Variants in ARHGAP29 observed in about 807,000 individuals in gnomAD.
ARHGAP29 encodes Rho GTPase activating protein 29.
In ARHGAP29, 43 loss-of-function variants were observed where a neutral mutation model predicts 122.6. The ratio of observed to expected loss-of-function variants is 0.35; its 90% CI spans 0.27 to 0.45. The LOEUF (loss-of-function observed/expected upper bound fraction) is 0.45. Among genes scored for constraint, ARHGAP29 ranks in the 20% least tolerant of loss-of-function variants. The probability of loss-of-function intolerance (pLI) is 1.00; values close to 1 mark genes in which losing one functional copy is unlikely to be tolerated. For missense variants in ARHGAP29, 1,303 were observed against 1,477.2 expected, an observed-to-expected ratio of 0.88 and a Z score of 1.93; for synonymous variants, 506 against 497.1, an observed-to-expected ratio of 1.02 and a Z score of -0.24.
chr1:94,237,359 C>T, intron 1 of ARHGAP29, 56 bp downstream of exon 1: 2 of 978,928 alleles, frequency 2.0e-6, no homozygotes. Flanking sequence ...GCGGGCAACC[C>T]CAGCCCGGAG....
the ARHGAP29 span, among the ~76,000 whole-genome samples, chr1:94,290,603 A>G: frequency 2.6e-5 from 4 of 152,212 alleles, no homozygotes; most frequent in African/African-American, 7.2e-5. Context: ...AATGTGTCCC[A>G]GAGATTCTGG....
At chr1:94,282,179 T>C in the ARHGAP29 span, among the ~76,000 whole-genome samples, 1 of 149,174 alleles carries the variant, frequency 6.7e-6, no homozygotes, top group African/African-American at 2.6e-5. Flanking sequence ...CACAACCTTG[T>C]CTTTTTTAAA....
intron 1 of ARHGAP29, among the ~76,000 whole-genome samples, chr1:94,249,746 C>G (rs1305151019): frequency 6.7e-6 from 1 of 148,864 alleles, no homozygotes; most frequent in Non-Finnish European, 1.5e-5. Flanking sequence ...AGTGAAACTC[C>G]ATCTCAAAAA....
At chr1:94,176,528 T>C (rs1649102554) in intron 22 of ARHGAP29, 1 of 152,214 alleles carries the variant, frequency 6.6e-6, no homozygotes, top group African/African-American at 2.4e-5. Context: ...CACAGAACTA[T>C]TATGAAGATC....
chr1:94,218,002 A>G (rs1025664589), intron 3 of ARHGAP29, among the ~76,000 whole-genome samples: 3 of 152,220 alleles, frequency 2.0e-5, no homozygotes, highest in Non-Finnish European at 4.4e-5. Context: ...GCTGGCACTG[A>G]ACAGATACTC....
At chr1:94,268,386 C>T (rs1654856681) in intron 1 of ARHGAP29, among the ~76,000 whole-genome samples, 1 of 152,102 alleles carries the variant, frequency 6.6e-6, no homozygotes, top group African/African-American at 2.4e-5. Context: ...TTCACCCTCC[C>T]CTACTCCTGC....
chr1:94,274,079 G>T (rs998884679), intron 1 of ARHGAP29, among the ~76,000 whole-genome samples: 1 of 152,148 alleles, frequency 6.6e-6, no homozygotes, highest in African/African-American at 2.4e-5. Flanking sequence ...AGAAAACCAA[G>T]ATTTAGAGAC....
chr1:94,186,711 A>C, intron 15 of ARHGAP29, 114 bp from the exon 16 acceptor site: 1 of 785,426 alleles, frequency 1.3e-6, no homozygotes, highest in Non-Finnish European at 2.1e-6. Flanking sequence ...CTTCAATGTA[A>C]AAATTTGCTT....
At chr1:94,220,495 A>C in intron 2 of ARHGAP29, 103 bp from the exon 3 acceptor site, 1 of 1,078,644 alleles carries the variant, frequency 9.3e-7, no homozygotes, top group East Asian at 2.6e-5. Flanking sequence ...CATTGGTTAC[A>C]CAATTTTTGC....
intron 5 of ARHGAP29, 91 bp from the exon 6 acceptor site, chr1:94,205,774 T>C: frequency 3.8e-6 from 4 of 1,060,094 alleles, no homozygotes. Flanking sequence ...TACTCTGACA[T>C]AATTCCTGCT....
upstream of ARHGAP29, chr1:94,237,882 T>A (rs1222689275): frequency 2.0e-6 from 1 of 491,826 alleles, no homozygotes; most frequent in Non-Finnish European, 2.6e-6. Context: ...AGCAGCTACA[T>A]TTCTTATGAG....
rs1027872278 is a variant in ARHGAP29 at position 94,233,277 on chromosome 1, C to T, written c.-32-1634G>A. 2.0e-5 allele frequency among the ~76,000 whole-genome samples: 3 copies of T among 151,990 alleles called. 1 individual carries two copies. The highest frequency in any genetic ancestry group is 4.4e-5 in the Non-Finnish European group (3 of 67,986). On this transcript the variant is annotated intron_variant, in intron 1 of 22. Coordinates refer to ENST00000260526, the MANE Select transcript of ARHGAP29 (RefSeq NM_004815.4). The stretch of plus-strand genomic sequence containing the variant: ...CCACTAGGAAGTTTTATGTAATATC[C>T]GTTTCTAGTCATATGTAAGATACAT...
At chr1:94,198,006 GAAAT>G (rs377756388) in intron 12 of ARHGAP29, among the ~76,000 whole-genome samples, 9 of 152,174 alleles carry the variant, frequency 5.9e-5, no homozygotes, top group African/African-American at 2.2e-4. Flanking sequence ...ATAAGAAAAA[GAAAT>G]AAAAGGAATA....
intron 5 of ARHGAP29, 113 bp from the exon 6 acceptor site, chr1:94,205,796 A>C: frequency 1.1e-6 from 1 of 911,630 alleles, no homozygotes; most frequent in South Asian, 1.6e-5. Flanking sequence ...AAGAATTTCA[A>C]GTATTTAAAA....
chr1:94,179,923 T>C lies in ARHGAP29; in HGVS notation c.2282A>G (p.Lys761Arg). The C allele has an allele frequency of 6.2e-7, 1 of 1,609,218 alleles. No individual in the cohort carries two copies. The highest frequency in any genetic ancestry group is 1.1e-5 in the South Asian group (1 of 89,836). ...CTCTTTTGCAAGGTCTATAAATTCCTTGTACAATCGAAATAAAATAAATGG... is the reference window on the plus strand; with the variant it reads ...CTCTTTTGCAAGGTCTATAAATTCCCTGTACAATCGAAATAAAATAAATGG... Reference protein sequence around the residue: ...PEPFILFRLYKEFIDLAKEIQ... With the variant: ...PEPFILFRLYREFIDLAKEIQ... Residue 761 changes from lysine to arginine, a missense_variant, in exon 20 of 23, where the codon AAG becomes AGG. By Grantham distance (26) the Lys-to-Arg change is conservative. This residue lies in a region of ARHGAP29 where 620 missense variants were observed against 651.2 expected (regional missense o/e 0.95). Transcript: ENST00000260526.
At chr1:94,215,938 C>CAAATG (rs3073821) in intron 3 of ARHGAP29, among the ~76,000 whole-genome samples, 147,956 of 152,080 alleles carry the variant, frequency 0.97, 72,122 homozygotes, top group Middle Eastern at 1. Context: ...GTTATTGAAA[C>CAAATG]AAAAGATATT....
At chr1:94,208,960 G>A in intron 4 of ARHGAP29, 56 bp from the exon 5 acceptor site, 2 of 1,460,382 alleles carry the variant, frequency 1.4e-6, no homozygotes, top group Non-Finnish European at 9.5e-7. Context: ...TTGTGACAGG[G>A]TTTACATTCA....
the ARHGAP29 span, among the ~76,000 whole-genome samples, chr1:94,307,953 C>T: frequency 6.6e-6 from 1 of 152,296 alleles, no homozygotes; most frequent in East Asian, 1.9e-4. Context: ...ACTGATGCTC[C>T]TTCTTTTTCT....
upstream of ARHGAP29, among the ~76,000 whole-genome samples, chr1:94,239,551 G>A (rs190871392): frequency 1.9e-3 from 287 of 151,742 alleles, no homozygotes; most frequent in Middle Eastern, 0.01. Flanking sequence ...GAGAAGGAAA[G>A]AGAGACAACA....
Sources: allele counts gnomAD v4.1 joint callset (sites outside exome capture counted in the v4.1 genomes callset), GRCh38; gene constraint gnomAD v4.1.1; regional missense constraint gnomAD v4.1.1; transcripts MANE v1.5; gene names NCBI Gene and HGNC (gene_info 2026-07-23, HGNC 2026-07-21).